PINX1: variants seen among roughly 807,000 people sequenced by gnomAD.
PINX1 encodes PIN2 (TERF1) interacting telomerase inhibitor 1, also known as PIN2/TERF1-interacting telomerase inhibitor 1.
PINX1 carries 34 observed loss-of-function variants against 25.4 expected under a neutral mutation model. The observed-to-expected ratio is 1.34, with a 90% confidence interval of 1.02 to 1.78. The LOEUF (loss-of-function observed/expected upper bound fraction) is 1.78. Among genes scored for constraint, PINX1 ranks in the 40% most tolerant of loss-of-function variants. The pLI is 0.00. For synonymous variants in PINX1, 197 were observed against 147.7 expected, an observed-to-expected ratio of 1.33 and a Z score of -2.42; for missense variants, 592 against 404.9, an observed-to-expected ratio of 1.46 and a Z score of -3.97.
chr8:10,765,384 C>A lies in PINX1; in HGVS notation c.*17G>T. ...CCCTGACAGCTGAGTGGTCGGAAGG[C>A]CCCGGCTGGGAAGGATTCATTTGGA... On this transcript the variant is annotated 3_prime_UTR_variant, in exon 7 of 7. Coordinates refer to ENST00000314787, the MANE Select transcript of PINX1 (RefSeq NM_017884.6). The A allele has an allele frequency of 1.9e-6, 3 of 1,571,640 alleles. No homozygotes were observed. The highest frequency in any genetic ancestry group is 2.6e-6 in the Non-Finnish European group (3 of 1,164,024).
At chr8:10,823,150 T>C (rs972349548) in intron 5 of PINX1, among the ~76,000 whole-genome samples, 1 of 152,174 alleles carries the variant, frequency 6.6e-6, no homozygotes, top group Non-Finnish European at 1.5e-5. Flanking sequence ...TGAATGCTCC[T>C]CACTACCAGT....
chr8:10,787,311 C>T (rs1413946833), intron 6 of PINX1, among the ~76,000 whole-genome samples: 3 of 152,102 alleles, frequency 2.0e-5, no homozygotes, highest in African/African-American at 7.2e-5. Context: ...ACTGTAGCCT[C>T]GAATTCCTGG....
intron 4 of PINX1, 46 bp downstream of exon 4, chr8:10,831,619 G>C (rs374356907): frequency 3.4e-6 from 4 of 1,185,246 alleles, no homozygotes; most frequent in Non-Finnish European, 3.7e-6. Flanking sequence ...ACAAAAAGTA[G>C]ATAAACATAT....
intron 6 of PINX1, among the ~76,000 whole-genome samples, chr8:10,810,070 T>A (rs1353147985): frequency 2.0e-5 from 3 of 152,144 alleles, no homozygotes; most frequent in Admixed American, 6.5e-5. Context: ...CCAGGTCTCG[T>A]GTGAACTCAG....
chr8:10,800,092 T>A (rs558120599), intron 6 of PINX1, among the ~76,000 whole-genome samples: 1 of 152,344 alleles, frequency 6.6e-6, no homozygotes, highest in East Asian at 1.9e-4. Context: ...TGCTAGTCTT[T>A]AGGATTGTTT....
chr8:10,805,048 C>G (rs926526895), intron 6 of PINX1, among the ~76,000 whole-genome samples: 3 of 152,084 alleles, frequency 2.0e-5, no homozygotes, highest in African/African-American at 7.2e-5. Flanking sequence ...ATCACAAATA[C>G]AGTTTCCACT....
At chr8:10,817,823 G>A (rs544012556) in intron 6 of PINX1, among the ~76,000 whole-genome samples, 8 of 152,262 alleles carry the variant, frequency 5.3e-5, no homozygotes, top group South Asian at 4.1e-4. Flanking sequence ...CTCACGACCC[G>A]GAAGCCAGAA....
At chr8:10,831,271 T>C (rs1484153083) in intron 4 of PINX1, among the ~76,000 whole-genome samples, 1 of 152,240 alleles carries the variant, frequency 6.6e-6, no homozygotes, top group South Asian at 2.1e-4. Context: ...TAGTGGTTAT[T>C]AGAGCTGCGT....
At chr8:10,805,362 T>C (rs1033323496) in intron 6 of PINX1, among the ~76,000 whole-genome samples, 3 of 152,244 alleles carry the variant, frequency 2.0e-5, no homozygotes, top group East Asian at 1.9e-4. Context: ...GTAAGATAAG[T>C]TAGGAATGGC....
intron 5 of PINX1, 89 bp downstream of exon 5, chr8:10,826,063 G>C (rs1415360382): frequency 1.5e-6 from 1 of 672,908 alleles, no homozygotes; most frequent in African/African-American, 1.8e-5. Flanking sequence ...AAAGCATGAA[G>C]TCGCTATTGG....
At chr8:10,828,972 G>A (rs1798138887) in intron 4 of PINX1, among the ~76,000 whole-genome samples, 1 of 152,166 alleles carries the variant, frequency 6.6e-6, no homozygotes, top group South Asian at 2.1e-4. Context: ...TAACAGATCT[G>A]CTAATTTTAT....
intron 5 of PINX1, 114 bp from the exon 6 acceptor site, chr8:10,820,383 ATTTTGAAACTACTGAC>A: frequency 1.4e-6 from 1 of 731,588 alleles, no homozygotes; most frequent in Non-Finnish European, 2.5e-6. Flanking sequence ...GAAAGAAACA[ATTTTGAAACTACTGAC>A]TTTCTACCCA....
Position 10,765,565 on chromosome 8 carries a change from G to C in PINX1, c.823C>G (p.Gln275Glu). The C allele has an allele frequency of 2.5e-6, 4 of 1,613,706 alleles. No homozygotes were observed. The highest frequency in any genetic ancestry group is 3.4e-6 in the Non-Finnish European group (4 of 1,179,888). Residue 275 changes from glutamine to glutamate, a missense_variant, in exon 7 of 7, where the codon CAG (glutamine) becomes GAG (glutamate). Transcript: ENST00000314787. ...CWDQSSKASA[Q>E]DAGDHVQPPE... Reference sequence around the variant, plus strand: ...GGCTGCACATGGTCCCCTGCATCCTGAGCAGAGGCCTTGGAACTCTGGTCC... The same window carrying C: ...GGCTGCACATGGTCCCCTGCATCCTCAGCAGAGGCCTTGGAACTCTGGTCC...
At chr8:10,832,827 T>A in intron 3 of PINX1, 65 bp downstream of exon 3, 1 of 903,888 alleles carries the variant, frequency 1.1e-6, no homozygotes, top group South Asian at 1.5e-5. Context: ...ACCAATCAAC[T>A]TTCAGATTTA....
rs1224525215 is a variant in PINX1, at chr8:10,834,678, C to G, written c.117G>C (p.Trp39Cys). 8 of 1,613,446 alleles carry G rather than the reference C, an allele frequency of 5.0e-6. No homozygotes were observed. Among genetic ancestry groups the G allele is most frequent in the Non-Finnish European group, 6.8e-6 (8 of 1,179,576 alleles). Residue 39 changes from tryptophan to cysteine, a missense_variant, in exon 2 of 7, where the codon TGG (tryptophan) becomes TGC (cysteine). Transcript: ENST00000314787. ...TTCTCCAAAATACCTTTCCTTTAGA[C>G]CACCCCATCTTCTCTAGCATCCGCT... The part of the protein sequence containing the change: ...FGQRMLEKMG[W>C]SKGKGLGAQE...
chr8:10,786,874 G>C (rs752433065), intron 6 of PINX1, among the ~76,000 whole-genome samples: 16 of 152,186 alleles, frequency 1.1e-4, no homozygotes, highest in Admixed American at 5.2e-4. Flanking sequence ...GCTAGTGGCA[G>C]ATTGCACCCC....
rs149840713 is a variant in PINX1 at position 10,823,268 on chromosome 8, A to G, written c.394+2884T>C. On this transcript the variant is annotated intron_variant, in intron 5 of 6. Coordinates refer to ENST00000314787, the MANE Select transcript of PINX1 (RefSeq NM_017884.6). ...GTTAGGCATGTAGTTTCCTTGTTTC[A>G]GTAGCATATAAAATAGCCCAAACTC... Among the ~76,000 whole-genome samples the G allele has an allele frequency of 2.0e-3, 290 of 144,664 alleles. 1 individual carries two copies. The highest frequency in any genetic ancestry group is 6.8e-3 in the African/African-American group (256 of 37,786). 94.9% of individuals were successfully genotyped at this position (144,664 alleles called of 152,430 possible). A position where few individuals can be genotyped will look rare whatever the true frequency, so the allele number is the denominator to read the frequency against.
At chr8:10,801,777 G>A (rs1217302507) in intron 6 of PINX1, among the ~76,000 whole-genome samples, 1 of 152,118 alleles carries the variant, frequency 6.6e-6, no homozygotes, top group African/African-American at 2.4e-5. Context: ...CTGGCTCCTG[G>A]ATGCTTTAAA....
rs532073359 is a variant in PINX1 at position 10,836,468 on chromosome 8, G to A, written c.20-1693C>T. Among the ~76,000 whole-genome samples the A allele has an allele frequency of 3.7e-4, 56 of 152,318 alleles. No homozygotes were observed. In the South Asian group the frequency reaches 9.1e-3, roughly 25 times the overall value. The stretch of plus-strand genomic sequence containing the variant: ...TCATGTGTCTATGCAGTGCTTGCCA[G>A]GGGTCTTTGACTAGGGCTTGTACGA... On this transcript the variant is annotated intron_variant, in intron 1 of 6. Coordinates refer to ENST00000314787, the MANE Select transcript of PINX1 (RefSeq NM_017884.6).
Sources: gnomAD v4.1 joint callset for allele counts (sites outside exome capture counted in the v4.1 genomes callset) on GRCh38, gnomAD v4.1.1 for gene constraint, MANE v1.5 for transcripts, NCBI Gene and HGNC (gene_info 2026-07-23, HGNC 2026-07-21) for gene names.